The following SCFD2 variants were observed in gnomAD, a reference collection of about 807,000 sequenced individuals.
SCFD2 encodes sec1 family domain containing 2, also known as sec1 family domain-containing protein 2.
Under a neutral mutation model 58.9 loss-of-function variants are expected in SCFD2, and 54 were observed. That is an observed-to-expected ratio of 0.92 (90% CI 0.74 to 1.15). SCFD2 has a LOEUF of 1.15. SCFD2 is among the 50% of genes most tolerant of loss of function. The pLI is 0.00. For synonymous variants in SCFD2, 321 were observed against 335.9 expected (o/e 0.96, Z 0.49); for missense variants, 805 against 836.6 (o/e 0.96, Z 0.47).
intron 4 of SCFD2, among the ~76,000 whole-genome samples, chr4:53,272,449 C>T (rs1310104265): frequency 6.6e-6 from 1 of 152,134 alleles, no homozygotes; most frequent in East Asian, 1.9e-4. Flanking sequence ...TTGGAACCAA[C>T]CCAAATGTCC....
intron 4 of SCFD2, among the ~76,000 whole-genome samples, chr4:53,163,781 G>A (rs1726924386): frequency 6.6e-6 from 1 of 152,132 alleles, no homozygotes; most frequent in East Asian, 1.9e-4. Context: ...AAGAGGAAGT[G>A]AGATGACTCT....
chr4:53,262,103 A>G (rs1002252787), intron 4 of SCFD2, among the ~76,000 whole-genome samples: 1 of 152,140 alleles, frequency 6.6e-6, no homozygotes, highest in African/African-American at 2.4e-5. Flanking sequence ...TTTGCATGGA[A>G]TATCTTTGTC....
chr4:52,878,026 C>T (rs1478264232), intron 8 of SCFD2, among the ~76,000 whole-genome samples: 1 of 152,160 alleles, frequency 6.6e-6, no homozygotes, highest in East Asian at 1.9e-4. Context: ...CCCACTCTGC[C>T]CAAAGACCCC....
chr4:53,346,963 A>G (rs1734075467), intron 2 of SCFD2, among the ~76,000 whole-genome samples: 1 of 152,106 alleles, frequency 6.6e-6, no homozygotes. Context: ...AATTCAAAAT[A>G]CTCAAACTGA....
At chr4:53,299,978 C>T (rs559258505) in intron 3 of SCFD2, among the ~76,000 whole-genome samples, 2 of 152,254 alleles carry the variant, frequency 1.3e-5, no homozygotes, top group South Asian at 4.2e-4. Flanking sequence ...CAACTGGTAC[C>T]AGCCACTGCA....
intron 4 of SCFD2, among the ~76,000 whole-genome samples, chr4:53,215,964 T>G (rs557382164): frequency 7.7e-4 from 117 of 152,340 alleles, no homozygotes; most frequent in African/African-American, 2.7e-3. Flanking sequence ...TTTGCTTACG[T>G]TGAACCAGCC....
intron 5 of SCFD2, among the ~76,000 whole-genome samples, chr4:52,922,223 C>G (rs1230377875): frequency 6.6e-6 from 1 of 152,152 alleles, no homozygotes; most frequent in Non-Finnish European, 1.5e-5. Context: ...TATGGTTACC[C>G]ATTTAAAGTA....
intron 4 of SCFD2, among the ~76,000 whole-genome samples, chr4:53,152,373 A>G (rs1726537114): frequency 6.6e-6 from 1 of 152,178 alleles, no homozygotes; most frequent in African/African-American, 2.4e-5. Context: ...AAAAAAATTA[A>G]AAAAAGAACC....
At position 53,023,424 on chromosome 4, in the gene SCFD2, C is replaced by T. The variant is rs184512633; in HGVS notation, c.1562-102554G>A. 1.0e-3 allele frequency among the ~76,000 whole-genome samples: 153 copies of T among 152,010 alleles called. 2 individuals are homozygous for T. The South Asian group carries it at 0.022, about 22-fold the overall frequency. ...CTGGCCCTAAAAATATTGGTATGGCCGTAGGAGGTACCAAGAATTCAGGAG... is the reference window on the plus strand; with the variant it reads ...CTGGCCCTAAAAATATTGGTATGGCTGTAGGAGGTACCAAGAATTCAGGAG... On this transcript the variant is annotated intron_variant, in intron 5 of 8. Transcript: ENST00000401642.
chr4:52,987,694 T>C (rs1282771635), intron 5 of SCFD2, among the ~76,000 whole-genome samples: 1 of 152,246 alleles, frequency 6.6e-6, no homozygotes, highest in Admixed American at 6.5e-5. Flanking sequence ...CAGTAGTATC[T>C]CTGTTCAGAT....
chr4:53,234,187 T>G (rs1183836749), intron 4 of SCFD2, among the ~76,000 whole-genome samples: 1 of 152,178 alleles, frequency 6.6e-6, no homozygotes, highest in Admixed American at 6.5e-5. Context: ...AAAAAAATAT[T>G]TGTTTCAGTT....
At chr4:53,142,894 T>C (rs1045116408) in intron 5 of SCFD2, among the ~76,000 whole-genome samples, 2 of 152,242 alleles carry the variant, frequency 1.3e-5, no homozygotes, top group Non-Finnish European at 2.9e-5. Flanking sequence ...TCAAATTTAT[T>C]TGACATCTTC....
chr4:52,902,882 A>T (rs1261528538), intron 7 of SCFD2, among the ~76,000 whole-genome samples: 2 of 152,242 alleles, frequency 1.3e-5, no homozygotes, highest in Admixed American at 1.3e-4. Flanking sequence ...TCTTGTAAAC[A>T]AACACAGTAG....
intron 5 of SCFD2, among the ~76,000 whole-genome samples, chr4:53,088,141 T>C (rs1235841543): frequency 1.3e-5 from 2 of 152,212 alleles, no homozygotes; most frequent in Non-Finnish European, 2.9e-5. Context: ...ACAGTAAAGA[T>C]GTGACCAAGC....
At chr4:53,307,457 A>G (rs1732551418) in intron 3 of SCFD2, among the ~76,000 whole-genome samples, 1 of 152,220 alleles carries the variant, frequency 6.6e-6, no homozygotes, top group Admixed American at 6.5e-5. Flanking sequence ...TGATAATAGA[A>G]GTCAGACAGA....
rs567359127 is a variant in SCFD2 at position 52,875,009 on chromosome 4, G to A, written c.1963-948C>T. Among the ~76,000 whole-genome samples the A allele has an allele frequency of 5.7e-4, 87 of 152,294 alleles. 1 individual carries two copies. Among genetic ancestry groups the A allele is most frequent in the African/African-American group, 2.0e-3 (83 of 41,554 alleles). ...TGAATATCCATTTGATCCTGATATTGAGCTTATGAAATAGATACGTTTATT... is the reference window on the plus strand; with the variant it reads ...TGAATATCCATTTGATCCTGATATTAAGCTTATGAAATAGATACGTTTATT... On this transcript the variant is annotated intron_variant, in intron 8 of 8. Coordinates refer to ENST00000401642, the MANE Select transcript of SCFD2 (RefSeq NM_152540.4).
At chr4:53,332,906 G>A (rs1030761724) in intron 2 of SCFD2, among the ~76,000 whole-genome samples, 16 of 151,458 alleles carry the variant, frequency 1.1e-4, no homozygotes, top group Non-Finnish European at 2.2e-4. Context: ...AAAGTCTCGG[G>A]ATACAAAATC....
chr4:52,985,588 T>A (rs1721470894), intron 5 of SCFD2, among the ~76,000 whole-genome samples: 1 of 151,692 alleles, frequency 6.6e-6, no homozygotes, highest in Non-Finnish European at 1.5e-5. Flanking sequence ...AGTTTTATTC[T>A]ATTAAGAAAT....
At chr4:53,297,953 C>A (rs1481150941) in intron 3 of SCFD2, among the ~76,000 whole-genome samples, 2 of 152,160 alleles carry the variant, frequency 1.3e-5, no homozygotes, top group Non-Finnish European at 1.5e-5. Flanking sequence ...GTTGAAAATT[C>A]TTTTCGGGTG....
Sources: gnomAD v4.1 joint callset for allele counts (sites outside exome capture counted in the v4.1 genomes callset) on GRCh38, gnomAD v4.1.1 for gene constraint, MANE v1.5 for transcripts, NCBI Gene and HGNC (gene_info 2026-07-23, HGNC 2026-07-21) for gene names.